Variants in SLC4A4 observed in about 807,000 individuals in gnomAD.
SLC4A4 encodes solute carrier family 4 member 4.
In SLC4A4, 27 loss-of-function variants were observed where a neutral mutation model predicts 111.5. That is an observed-to-expected ratio of 0.24 (90% confidence interval 0.18 to 0.33). The LOEUF is 0.33. SLC4A4 is among the 10% of genes least tolerant of loss of function. SLC4A4 has a pLI of 1.00. For missense variants in SLC4A4, 909 were observed against 1,315.5 expected, an observed-to-expected ratio of 0.69 and a Z score of 4.78; for synonymous variants, 443 against 463.4, an observed-to-expected ratio of 0.96 and a Z score of 0.57.
chr4:71,251,903 G>A (rs1216400294), intron 2 of SLC4A4, among the ~76,000 whole-genome samples: 1 of 151,934 alleles, frequency 6.6e-6, no homozygotes, highest in African/African-American at 2.4e-5. Flanking sequence ...ATTCTTTAAT[G>A]GTCTTACTGT....
intron 6 of SLC4A4, among the ~76,000 whole-genome samples, chr4:71,392,437 A>G (rs997579014): frequency 6.6e-6 from 1 of 152,046 alleles, no homozygotes; most frequent in African/African-American, 2.4e-5. Flanking sequence ...TTAGATTCCA[A>G]CTAGTATAGA....
intron 6 of SLC4A4, among the ~76,000 whole-genome samples, chr4:71,393,149 C>T (rs1320841463): frequency 6.6e-6 from 1 of 152,010 alleles, no homozygotes; most frequent in Non-Finnish European, 1.5e-5. Flanking sequence ...TTCAACATAA[C>T]ACTGGAAGTC....
intron 3 of SLC4A4, among the ~76,000 whole-genome samples, chr4:71,307,005 T>C (rs991936177): frequency 2.0e-5 from 3 of 152,216 alleles, no homozygotes; most frequent in African/African-American, 7.2e-5. Flanking sequence ...CTTCACTCTT[T>C]ATTAATGGTT....
intron 19 of SLC4A4, among the ~76,000 whole-genome samples, chr4:71,546,947 A>T (rs114543688): frequency 2.6e-4 from 40 of 152,042 alleles, no homozygotes; most frequent in Admixed American, 9.2e-4. Context: ...ACACTGAGAA[A>T]CTTTAACCTC....
intron 2 of SLC4A4, among the ~76,000 whole-genome samples, chr4:71,154,952 C>T (rs1286484428): frequency 6.6e-6 from 1 of 152,064 alleles, no homozygotes; most frequent in Non-Finnish European, 1.5e-5. Context: ...TCCTTTTATT[C>T]TTATACATTA....
At chr4:71,564,134 T>G (rs1028246734) in intron 24 of SLC4A4, among the ~76,000 whole-genome samples, 3 of 151,810 alleles carry the variant, frequency 2.0e-5, no homozygotes, top group African/African-American at 7.2e-5. Flanking sequence ...CATCCCCAGT[T>G]TTTCCAATGG....
At chr4:71,273,443 G>C (rs1542306) in intron 3 of SLC4A4, among the ~76,000 whole-genome samples, 47,458 of 152,108 alleles carry the variant, frequency 0.31, 12,313 homozygotes, top group African/African-American at 0.71. Context: ...TGCAGTGGGA[G>C]AAATGTAAAA....
chr4:71,466,961 GAGAGGGAGAGAGA>G (rs1560533855), intron 13 of SLC4A4, among the ~76,000 whole-genome samples: 63 of 115,228 alleles, frequency 5.5e-4, no homozygotes, highest in African/African-American at 1.8e-3. Flanking sequence ...GAGAGAGAGA[GAGAGGGAGAGAGA>G]GAGAGGTCTG....
chr4:71,397,226 A>G (rs1325413883), intron 6 of SLC4A4, among the ~76,000 whole-genome samples: 1 of 152,154 alleles, frequency 6.6e-6, no homozygotes, highest in Non-Finnish European at 1.5e-5. Flanking sequence ...AGGAAAGGAA[A>G]CCAGATAGAT....
chr4:71,540,671 C>T (rs1426247541), intron 18 of SLC4A4, among the ~76,000 whole-genome samples: 1 of 152,176 alleles, frequency 6.6e-6, no homozygotes, highest in Non-Finnish European at 1.5e-5. Flanking sequence ...TCTATTACAA[C>T]ACCAAGGTTG....
At chr4:71,157,765 CT>C (rs1417060300) in intron 2 of SLC4A4, among the ~76,000 whole-genome samples, 3 of 152,062 alleles carry the variant, frequency 2.0e-5, no homozygotes, top group Non-Finnish European at 4.4e-5. Flanking sequence ...ATGTAAGAAT[CT>C]TTGTAAGAGG....
intron 7 of SLC4A4, among the ~76,000 whole-genome samples, chr4:71,428,622 G>C (rs1489635886): frequency 1.3e-5 from 2 of 151,944 alleles, no homozygotes; most frequent in African/African-American, 2.4e-5. Context: ...GGAAGGGTGG[G>C]GGACAGGAGA....
At chr4:71,113,091 C>A (rs1414920369) in intron 2 of SLC4A4, among the ~76,000 whole-genome samples, 1 of 152,152 alleles carries the variant, frequency 6.6e-6, no homozygotes, top group Non-Finnish European at 1.5e-5. Flanking sequence ...CTATGCAAAG[C>A]AATGTGTACA....
At chr4:71,453,794 CT>C in intron 12 of SLC4A4, 125 bp downstream of exon 12, 2 of 859,310 alleles carry the variant, frequency 2.3e-6, no homozygotes, top group Non-Finnish European at 3.9e-6. Context: ...TTGCTGGATG[CT>C]GCATTTTACT....
intron 7 of SLC4A4, among the ~76,000 whole-genome samples, chr4:71,427,978 C>G (rs1418781593): frequency 6.6e-6 from 1 of 152,130 alleles, no homozygotes; most frequent in Non-Finnish European, 1.5e-5. Context: ...AGAAAGAAGT[C>G]AGCTTGCTTC....
At chr4:71,264,693 A>AT (rs1248657733) in intron 3 of SLC4A4, among the ~76,000 whole-genome samples, 3 of 152,108 alleles carry the variant, frequency 2.0e-5, no homozygotes, top group African/African-American at 7.2e-5. Context: ...TATTTGTCTA[A>AT]TTGTACTTTG....
intron 2 of SLC4A4, among the ~76,000 whole-genome samples, chr4:71,165,821 G>C (rs1012286440): frequency 2.0e-5 from 3 of 152,002 alleles, no homozygotes; most frequent in African/African-American, 7.2e-5. Context: ...CTATATGGCA[G>C]CTGGAACATT....
chr4:71,222,551 T>A (rs1024054744), intron 1 of SLC4A4, among the ~76,000 whole-genome samples: 13 of 152,206 alleles, frequency 8.5e-5, no homozygotes, highest in African/African-American at 3.1e-4. Flanking sequence ...TAATGCCTAG[T>A]CATAGCAGAC....
At chr4:71,543,504 T>C (rs1735245555) in intron 18 of SLC4A4, among the ~76,000 whole-genome samples, 2 of 152,148 alleles carry the variant, frequency 1.3e-5, no homozygotes, top group Admixed American at 1.3e-4. Context: ...TATATATAGT[T>C]ACCTTTATAG....
Sources: gnomAD v4.1 joint callset for allele counts (sites outside exome capture counted in the v4.1 genomes callset) on GRCh38, gnomAD v4.1.1 for gene constraint, MANE v1.5 for transcripts, NCBI Gene and HGNC (gene_info 2026-07-23, HGNC 2026-07-21) for gene names.